Variants in ZFHX3 observed in about 807,000 individuals in gnomAD.
The protein encoded by ZFHX3 is zinc finger homeobox 3, also known as zinc finger homeobox protein 3.
ZFHX3 carries 42 observed loss-of-function variants against 279.1 expected under a neutral mutation model. The ratio of observed to expected loss-of-function variants is 0.15; its 90% CI spans 0.12 to 0.19. The LOEUF (loss-of-function observed/expected upper bound fraction) is 0.19. ZFHX3 is among the 10% of genes least tolerant of loss of function. The pLI is 1.00. For missense variants in ZFHX3, 4,981 were observed against 4,754.0 expected, an observed-to-expected ratio of 1.05 and a Z score of -1.40; for synonymous variants, 2,293 against 1,957.8, an observed-to-expected ratio of 1.17 and a Z score of -4.52.
At chr16:73,576,669 C>T (rs980581118) in intron 2 of ZFHX3, among the ~76,000 whole-genome samples, 1 of 151,362 alleles carries the variant, frequency 6.6e-6, no homozygotes, top group African/African-American at 2.4e-5. Context: ...TGTAATCCTC[C>T]CTAGAACATT....
At chr16:73,555,572 T>G (rs2020266360) in intron 2 of ZFHX3, among the ~76,000 whole-genome samples, 1 of 151,646 alleles carries the variant, frequency 6.6e-6, no homozygotes, top group African/African-American at 2.4e-5. Context: ...GGCTCACGCC[T>G]GTAATCCCAG....
At chr16:73,103,106 G>A (rs1214719645) in intron 7 of ZFHX3, among the ~76,000 whole-genome samples, 1 of 152,062 alleles carries the variant, frequency 6.6e-6, no homozygotes. Flanking sequence ...TGTATTTTTG[G>A]TAGACATAGG....
chr16:73,497,050 T>A (rs200796066), intron 2 of ZFHX3, among the ~76,000 whole-genome samples: 1 of 152,038 alleles, frequency 6.6e-6, no homozygotes, highest in Non-Finnish European at 1.5e-5. Context: ...CAGTGTCTCC[T>A]CCTCCCCCGC....
intron 2 of ZFHX3, among the ~76,000 whole-genome samples, chr16:73,604,071 C>A (rs1333565115): frequency 1.3e-5 from 2 of 151,940 alleles, no homozygotes; most frequent in African/African-American, 4.8e-5. Flanking sequence ...CCACCAAGCC[C>A]AGCCATTCTA....
chr16:72,969,712 T>C (rs745333490), intron 1 of ZFHX3, among the ~76,000 whole-genome samples: 1 of 152,170 alleles, frequency 6.6e-6, no homozygotes, highest in African/African-American at 2.4e-5. Context: ...AAAGAAATAA[T>C]ACCTGCATCT....
intron 1 of ZFHX3, among the ~76,000 whole-genome samples, chr16:73,887,816 C>T (rs1433362372): frequency 6.6e-6 from 1 of 151,970 alleles, no homozygotes; most frequent in Non-Finnish European, 1.5e-5. Context: ...GTTCAATGCA[C>T]CCAGAGTTCT....
At chr16:72,975,609 G>T (rs1962315807) in intron 1 of ZFHX3, among the ~76,000 whole-genome samples, 1 of 152,254 alleles carries the variant, frequency 6.6e-6, no homozygotes, top group African/African-American at 2.4e-5. Context: ...AATCCATATT[G>T]AGACATACTT....
intron 2 of ZFHX3, among the ~76,000 whole-genome samples, chr16:73,627,613 C>T (rs185607069): frequency 2.6e-5 from 4 of 152,268 alleles, no homozygotes; most frequent in Admixed American, 6.5e-5. Context: ...AAAGTCTTGA[C>T]GTGCTTTAAG....
At chr16:73,612,174 T>A (rs960675898) in intron 2 of ZFHX3, among the ~76,000 whole-genome samples, 2 of 152,090 alleles carry the variant, frequency 1.3e-5, no homozygotes, top group Non-Finnish European at 2.9e-5. Flanking sequence ...TGGGGAGAAA[T>A]TCTTACCTAG....
intron 8 of ZFHX3, among the ~76,000 whole-genome samples, chr16:73,090,074 A>G (rs1966054363): frequency 6.6e-6 from 1 of 152,178 alleles, no homozygotes; most frequent in South Asian, 2.1e-4. Context: ...GTGCTCTCCA[A>G]GTTCACTGTA....
intron 5 of ZFHX3, among the ~76,000 whole-genome samples, chr16:72,812,479 T>C (rs1409927158): frequency 1.3e-5 from 2 of 152,196 alleles, no homozygotes; most frequent in Non-Finnish European, 2.9e-5. Context: ...CTCTCAACTT[T>C]ATTGTCCCTC....
At chr16:73,001,489 A>G (rs1227277624) in intron 1 of ZFHX3, among the ~76,000 whole-genome samples, 1 of 152,190 alleles carries the variant, frequency 6.6e-6, no homozygotes, top group South Asian at 2.1e-4. Flanking sequence ...GCAATAGATA[A>G]CAATACACAT....
At chr16:73,034,315 A>G (rs1964821033) in intron 1 of ZFHX3, among the ~76,000 whole-genome samples, 1 of 152,148 alleles carries the variant, frequency 6.6e-6, no homozygotes, top group African/African-American at 2.4e-5. Context: ...ACACTAAGAG[A>G]AGAAGGCGAG....
Position 73,004,595 on chromosome 16 carries a change from G to T in ZFHX3, c.-50+43157C>A, listed in dbSNP as rs1371850993. Among the ~76,000 whole-genome samples the T allele has an allele frequency of 1.1e-4, 17 of 152,006 alleles. No homozygotes were observed. In the East Asian group the frequency reaches 3.1e-3, roughly 28 times the overall value. On this transcript the variant is annotated intron_variant, in intron 1 of 9. Transcript: ENST00000268489. Reference sequence around the variant, plus strand: ...CCAAAGTGCTGGGATTACAAGTGTGGGCCACTGCACCTGGCTGTTTCATTC... The same window carrying T: ...CCAAAGTGCTGGGATTACAAGTGTGTGCCACTGCACCTGGCTGTTTCATTC...
chr16:73,192,279 C>A (rs1968058071), intron 5 of ZFHX3, among the ~76,000 whole-genome samples: 1 of 152,140 alleles, frequency 6.6e-6, no homozygotes, highest in Non-Finnish European at 1.5e-5. Context: ...CTCTTAGGAC[C>A]TTGGAATGAA....
intron 7 of ZFHX3, among the ~76,000 whole-genome samples, chr16:72,808,378 A>G (rs1308890997): frequency 6.6e-6 from 1 of 152,102 alleles, no homozygotes; most frequent in Non-Finnish European, 1.5e-5. Flanking sequence ...TGAGATAGAA[A>G]TGCATAGTTT....
chr16:72,853,427 C>G (rs1470292757), intron 4 of ZFHX3, among the ~76,000 whole-genome samples: 2 of 152,192 alleles, frequency 1.3e-5, no homozygotes, highest in East Asian at 1.9e-4. Flanking sequence ...CCCTAATGAG[C>G]CTTCTTTCTG....
intron 3 of ZFHX3, among the ~76,000 whole-genome samples, chr16:72,909,211 G>A (rs1434324345): frequency 6.6e-6 from 1 of 152,152 alleles, no homozygotes; most frequent in Non-Finnish European, 1.5e-5. Context: ...TAGAAGGCAC[G>A]TTTCTAAAAT....
intron 1 of ZFHX3, chr16:73,014,544 T>TTTTTTTTTTTTTTG (rs1414520446): frequency 7.0e-6 from 1 of 143,392 alleles, no homozygotes; most frequent in African/African-American, 2.6e-5. Flanking sequence ...TTTTTTTTTT[T>TTTTTTTTTTTTTTG]TTGAGACACA....
Sources: gnomAD v4.1 joint callset for allele counts (sites outside exome capture counted in the v4.1 genomes callset) on GRCh38, gnomAD v4.1.1 for gene constraint, MANE v1.5 for transcripts, NCBI Gene and HGNC (gene_info 2026-07-23, HGNC 2026-07-21) for gene names.